Variants in LIPE observed in about 807,000 individuals in gnomAD.
LIPE encodes the protein lipase E, hormone sensitive type.
A neutral mutation model predicts 88.5 loss-of-function variants in LIPE; 66 were observed. That is an observed-to-expected ratio of 0.75 (90% CI 0.61 to 0.91). The LOEUF (loss-of-function observed/expected upper bound fraction) is 0.91. Ranked by LOEUF, LIPE falls within the 40% of genes least tolerant of loss-of-function variation. The probability of loss-of-function intolerance (pLI) is 0.00; values close to 1 mark genes in which losing one functional copy is unlikely to be tolerated. For missense variants in LIPE, 1,346 were observed against 1,434.7 expected (o/e 0.94, Z 1.00); for synonymous variants, 570 against 617.5 (o/e 0.92, Z 1.14).
rs924595352 is a variant in LIPE, at chr19:42,414,862, CTG to C, written c.884-4022_884-4021del. ...AGAGGGCGAACTTTACCGATTAATG[CTG>C]TGTGTGTTCTGACTGCTCCACTGAC... On this transcript the variant is annotated intron_variant, in intron 1 of 9. Transcript: ENST00000244289. The surrounding 1 kb of genome is among the most constrained non-coding windows in gnomAD (Gnocchi z 4.6). Among the ~76,000 whole-genome samples the C allele has an allele frequency of 2.0e-5, 3 of 152,196 alleles. No homozygotes were observed. Among genetic ancestry groups the C allele is most frequent in the African/African-American group, 7.2e-5 (3 of 41,438 alleles).
intron 7 of LIPE, 176 bp from the exon 8 acceptor site, chr19:42,405,737 A>C: frequency 1.6e-6 from 1 of 629,220 alleles, no homozygotes; most frequent in South Asian, 2.1e-5. Context: ...TGGGAGGCCA[A>C]GGCGAGAGGA....
chr19:42,409,540 T>G (rs768749142), intron 2 of LIPE, among the ~76,000 whole-genome samples: 2 of 152,068 alleles, frequency 1.3e-5, no homozygotes, highest in Non-Finnish European at 2.9e-5. Flanking sequence ...GACACTGGGC[T>G]GGAGCAGTGA....
Position 42,410,290 on chromosome 19 carries a change from C to T in LIPE, c.1419+17G>A, listed in dbSNP as rs757909065. The T allele has an allele frequency of 4.1e-5, 63 of 1,544,430 alleles. No individual in the cohort carries two copies. The highest frequency in any genetic ancestry group is 1.1e-4 in the African/African-American group (8 of 73,032). On this transcript the variant is annotated intron_variant, in intron 2 of 9. Coordinates refer to ENST00000244289, the MANE Select transcript of LIPE (RefSeq NM_005357.4). This position sits in a 1 kb window ranked among gnomAD's most constrained non-coding sequence, Gnocchi z 6.1. Reference sequence around the variant, plus strand: ...CCTTCATTGTGGGCCCAGAGGGGCACGGGGCAGGGGGCTCACCTGGAAGCC... The same window carrying T: ...CCTTCATTGTGGGCCCAGAGGGGCATGGGGCAGGGGGCTCACCTGGAAGCC...
rs1423657218 is a variant in LIPE, at chr19:42,408,263, C to T, written c.1479G>A (p.Gly493=). The change falls in exon 3 of 10, where the codon GGG becomes GGA. Residue 493 remains glycine, a synonymous_variant. Coordinates refer to ENST00000244289, the MANE Select transcript of LIPE (RefSeq NM_005357.4). This position sits in a 1 kb window ranked among gnomAD's most constrained non-coding sequence, Gnocchi z 4.3. ...CTGTCTCGTTGCGTTTGTAGTGCTC[C>T]CCGAAGGACACCAGCCCAATGGAGA... The part of the protein sequence containing the change: ...QTISIGLVSF[G]EHYKRNETGL... The T allele has an allele frequency of 2.5e-6, 4 of 1,614,098 alleles. No homozygotes were observed. The South Asian group carries it at 3.3e-5, about 13-fold the overall frequency.
At chr19:42,411,206 T>G (rs973868761) in intron 1 of LIPE, 3 of 656,368 alleles carry the variant, frequency 4.6e-6, no homozygotes, top group Non-Finnish European at 1.9e-6. Context: ...CTTGCTGCCC[T>G]GGCCTCCTGA....
At position 42,426,717 on chromosome 19, in the gene LIPE, C is replaced by T. The variant is rs1206753877; in HGVS notation, c.433G>A (p.Glu145Lys). ...GCTTCTTGTTGAGCTGGAGGTGGCTCTCCTGGCCCAGGCCCTGGCTGGGCT... is the reference window on the plus strand; with the variant it reads ...GCTTCTTGTTGAGCTGGAGGTGGCTTTCCTGGCCCAGGCCCTGGCTGGGCT... ...HVAQPGPGPG[E>K]PPPAQQEAES... Residue 145 changes from glutamate to lysine, a missense_variant, in exon 1 of 10, where the codon GAG becomes AAG. Coordinates refer to ENST00000244289, the MANE Select transcript of LIPE (RefSeq NM_005357.4). The T allele has an allele frequency of 6.2e-7, 1 of 1,614,076 alleles. No individual in the cohort carries two copies. Among genetic ancestry groups the T allele is most frequent in the Non-Finnish European group, 8.5e-7 (1 of 1,180,052 alleles).
At position 42,401,850 on chromosome 19, in the gene LIPE, C is replaced by T. The variant is rs1339281337; in HGVS notation, c.3193G>A (p.Ala1065Thr). Reference protein sequence around the residue: ...AGAGPSGETGAAGVDGGCGGR... With the variant: ...AGAGPSGETGTAGVDGGCGGR... ...CCGCAGCCCCCGTCTACCCCCGCAGCCCCCGTCTCCCCGCTCGGCCCGGCT... is the reference window on the plus strand; with the variant it reads ...CCGCAGCCCCCGTCTACCCCCGCAGTCCCCGTCTCCCCGCTCGGCCCGGCT... The change falls in exon 10 of 10, where the codon GCT becomes ACT. Residue 1065 changes from alanine (A) to threonine (T), a missense_variant. Coordinates refer to ENST00000244289, the MANE Select transcript of LIPE (RefSeq NM_005357.4). The T allele has an allele frequency of 6.6e-6, 10 of 1,516,472 alleles. No individual in the cohort carries two copies. The highest frequency in any genetic ancestry group is 8.8e-6 in the Non-Finnish European group (10 of 1,136,222). 93.9% of individuals were successfully genotyped at this position (1,516,472 alleles called of 1,614,324 possible). A position where few individuals can be genotyped will look rare whatever the true frequency, so the allele number is the denominator to read the frequency against.
intron 1 of LIPE, among the ~76,000 whole-genome samples, chr19:42,418,565 G>C (rs2040534718): frequency 6.6e-6 from 1 of 152,052 alleles, no homozygotes; most frequent in Non-Finnish European, 1.5e-5. Context: ...TGTAATCCTG[G>C]CACTTTGGGA....
chr19:42,409,591 T>G (rs1358045762), intron 2 of LIPE, among the ~76,000 whole-genome samples: 1 of 151,968 alleles, frequency 6.6e-6, no homozygotes, highest in Non-Finnish European at 1.5e-5. Context: ...GGACGGACAT[T>G]TTAAAGGGGA....
chr19:42,407,861 G>T lies in LIPE; in HGVS notation c.1657-70C>A. ...AGGGGTGCCCTTCACCTCTCCCTCT[G>T]ATCCCCAGTCTTTCCCCTTGTGTGC... On this transcript the variant is annotated intron_variant, in intron 4 of 9. Transcript: ENST00000244289. The surrounding 1 kb of genome is among the most constrained non-coding windows in gnomAD (Gnocchi z 5.8). 1 of 1,551,762 alleles carries T rather than the reference G, an allele frequency of 6.4e-7. No homozygotes were observed. The highest frequency in any genetic ancestry group is 1.4e-5 in the African/African-American group (1 of 73,510).
At position 42,408,206 on chromosome 19, in the gene LIPE, G is replaced by C. The variant is rs750426287; in HGVS notation, c.1510+26C>G. On this transcript the variant is annotated intron_variant, in intron 3 of 9. Transcript: ENST00000244289. This position sits in a 1 kb window ranked among gnomAD's most constrained non-coding sequence, Gnocchi z 4.3. ...GGGAGGAGGGCCAAGAGAGTAGGCT[G>C]CGAGTAGAACCTGGCTGGGACTCAC... 1 of 1,613,662 alleles carries C rather than the reference G, an allele frequency of 6.2e-7. No homozygotes were observed. The highest frequency in any genetic ancestry group is 1.6e-4 in the Middle Eastern group (1 of 6,062).
At position 42,401,857 on chromosome 19, in the gene LIPE, C is replaced by T; in HGVS notation, c.3186G>A (p.Glu1062=). The part of the protein sequence containing the change: ...TPPAGAGPSG[E]TGAAGVDGGC... ...CCCCGTCTACCCCCGCAGCCCCCGT[C>T]TCCCCGCTCGGCCCGGCTCCGGCGG... is the stretch of plus-strand genomic sequence containing the variant. The change falls in exon 10 of 10, where the codon GAG becomes GAA. Residue 1062 remains glutamate (E), a synonymous_variant. Coordinates refer to ENST00000244289, the MANE Select transcript of LIPE (RefSeq NM_005357.4). 6.6e-7 allele frequency: 1 copy of T among 1,523,724 alleles called. No homozygotes were observed. Among genetic ancestry groups the T allele is most frequent in the Non-Finnish European group, 8.8e-7 (1 of 1,139,556 alleles). 94.4% of individuals were successfully genotyped at this position (1,523,724 alleles called of 1,614,324 possible).
intron 1 of LIPE, among the ~76,000 whole-genome samples, chr19:42,419,265 A>G (rs1386140898): frequency 2.6e-5 from 4 of 152,186 alleles, no homozygotes; most frequent in Non-Finnish European, 5.9e-5. Context: ...GCAACAAGAC[A>G]GAAACTCTGT....
intron 1 of LIPE, chr19:42,423,604 C>T (rs1425665839): frequency 1.8e-5 from 22 of 1,206,022 alleles, no homozygotes; most frequent in Admixed American, 3.4e-5. Context: ...GGCCAATCCT[C>T]GCTACACACT....
chr19:42,423,648 T>G (rs2040648226), intron 1 of LIPE: 1 of 1,167,890 alleles, frequency 8.6e-7, no homozygotes, highest in Non-Finnish European at 1.1e-6. Flanking sequence ...AATCCCGAGC[T>G]TGCTCTTCTC....
chr19:42,405,574 T>C lies in LIPE; in HGVS notation c.2366-13A>G, dbSNP rs1220063120. The C allele has an allele frequency of 1.3e-6, 2 of 1,598,524 alleles. No homozygotes were observed. Among genetic ancestry groups the C allele is most frequent in the Non-Finnish European group, 1.7e-6 (2 of 1,169,110 alleles). The stretch of plus-strand genomic sequence containing the variant: ...TCCGTCTTTGCACCTGCAGAATATA[T>C]GTGGGTAGCTGAGTTGTTTTCCCCT... On this transcript the variant is annotated splice_polypyrimidine_tract_variant and intron_variant, in intron 7 of 9. Transcript: ENST00000244289.
In LIPE at chr19:42,418,167, G is replaced by A. The variant is rs183515790; in HGVS notation, c.884-7325C>T. On this transcript the variant is annotated intron_variant, in intron 1 of 9. Transcript: ENST00000244289. ...CTGGTTAATTTTAGTATTTTTAGTAGAGACGGGGTTTTACCATGTTGGCCA... is the reference window on the plus strand; with the variant it reads ...CTGGTTAATTTTAGTATTTTTAGTAAAGACGGGGTTTTACCATGTTGGCCA... 2.3e-3 allele frequency among the ~76,000 whole-genome samples: 352 copies of A among 152,292 alleles called. 2 individuals carry two copies. The highest frequency in any genetic ancestry group is 0.014 in the Middle Eastern group (4 of 294).
At chr19:42,421,937 G>A (rs755788437) in intron 1 of LIPE, among the ~76,000 whole-genome samples, 3 of 152,236 alleles carry the variant, frequency 2.0e-5, no homozygotes, top group African/African-American at 7.2e-5. Context: ...TGAATGGCTC[G>A]TTTTGCAGGG....
rs1347060294 is a variant in LIPE at position 42,427,242 on chromosome 19, C to T, written c.-93G>A. 1.4e-6 allele frequency: 2 copies of T among 1,460,412 alleles called. No individual in the cohort carries two copies. The highest frequency in any genetic ancestry group is 2.4e-5 in the East Asian group (1 of 41,358). 90.5% of individuals were successfully genotyped at this position (1,460,412 alleles called of 1,614,324 possible). A position where few individuals can be genotyped will look rare whatever the true frequency, so the allele number is the denominator to read the frequency against. On this transcript the variant is annotated 5_prime_UTR_variant, in exon 1 of 10. Coordinates refer to ENST00000244289, the MANE Select transcript of LIPE (RefSeq NM_005357.4). The stretch of plus-strand genomic sequence containing the variant: ...TCTCTTCACAGATCTCTCATTGATT[C>T]CTCATGATGGCACTTCCTCTTGGGT...
Sources: allele counts gnomAD v4.1 joint callset (sites outside exome capture counted in the v4.1 genomes callset), GRCh38; gene constraint gnomAD v4.1.1; non-coding constraint Gnocchi (gnomAD v3.1); transcripts MANE v1.5; gene names NCBI Gene and HGNC (gene_info 2026-07-23, HGNC 2026-07-21).